Variants in ANKIB1 observed in about 807,000 individuals in gnomAD.
ANKIB1 encodes ankyrin repeat and IBR domain-containing protein 1.
Under a neutral mutation model 122.1 loss-of-function variants are expected in ANKIB1, and 43 were observed. The observed-to-expected ratio is 0.35, with a 90% CI of 0.28 to 0.45. ANKIB1 has a LOEUF of 0.45. Ranked by LOEUF, ANKIB1 falls within the 20% of genes least tolerant of loss-of-function variation. The pLI is 1.00. For synonymous variants in ANKIB1, 390 were observed against 442.0 expected (o/e 0.88, Z 1.48); for missense variants, 992 against 1,329.5 (o/e 0.75, Z 3.95).
Position 92,257,214 on chromosome 7 carries a change from A to G in ANKIB1, c.-91+10695A>G, listed in dbSNP as rs531598549. ...AAAGAAAAAAAAAAAGAGAGAAAAA[A>G]AGAAAAAAAAGAAAAGAAAAATTGT... On this transcript the variant is annotated intron_variant, in intron 1 of 19. Coordinates refer to ENST00000265742, the MANE Select transcript of ANKIB1 (RefSeq NM_019004.2). Among the ~76,000 whole-genome samples the G allele has an allele frequency of 3.3e-5, 5 of 152,098 alleles. No homozygotes were observed. In the South Asian group the frequency reaches 8.4e-4, roughly 26 times the overall value.
intron 1 of ANKIB1, among the ~76,000 whole-genome samples, chr7:92,283,719 A>G (rs1802056296): frequency 6.6e-6 from 1 of 152,150 alleles, no homozygotes; most frequent in Non-Finnish European, 1.5e-5. Context: ...CAGTTATTTT[A>G]TTTTTTAAAT....
At chr7:92,391,951 CATA>C (rs1304810286) in intron 16 of ANKIB1, among the ~76,000 whole-genome samples, 3 of 152,048 alleles carry the variant, frequency 2.0e-5, no homozygotes, top group Non-Finnish European at 4.4e-5. Context: ...CCTATTTTTA[CATA>C]ATATTTATGA....
At chr7:92,298,246 A>G (rs1416342364) in intron 2 of ANKIB1, among the ~76,000 whole-genome samples, 1 of 151,938 alleles carries the variant, frequency 6.6e-6, no homozygotes, top group Non-Finnish European at 1.5e-5. Context: ...TGTTTTGCTT[A>G]TTTAAGTTGA....
chr7:92,294,589 G>A (rs1208882707), intron 1 of ANKIB1: 1 of 270,958 alleles, frequency 3.7e-6, no homozygotes, highest in Admixed American at 5.3e-5. Flanking sequence ...CTCATTTTCT[G>A]CCATGTGAAG....
At chr7:92,368,699 C>T (rs1295445704) in intron 10 of ANKIB1, among the ~76,000 whole-genome samples, 1 of 149,800 alleles carries the variant, frequency 6.7e-6, no homozygotes. Context: ...CCAGCCTGGG[C>T]GACAGTGCGA....
rs757815332 is a variant in ANKIB1 at position 92,307,480 on chromosome 7, G to T, written c.310G>T (p.Ala104Ser). The T allele has an allele frequency of 1.1e-5, 18 of 1,613,662 alleles. No individual in the cohort carries two copies. The highest frequency in any genetic ancestry group is 5.0e-5 in the Admixed American group (3 of 59,972). Residue 104 changes from alanine to serine, a missense_variant, in exon 3 of 20, where the codon GCA becomes TCA. Physicochemically the swap from Ala to Ser is moderately conservative, Grantham distance 99. Coordinates refer to ENST00000265742, the MANE Select transcript of ANKIB1 (RefSeq NM_019004.2). ...ISEGALHPRL[A>S]RPTEDDFRRA... ...TGAAGGAGCCCTTCATCCTCGCTTG[G>T]CACGCCCCACAGAAGATGATTTCAG...
At position 92,330,067 on chromosome 7, in the gene ANKIB1, A is replaced by C. The variant is rs971968702; in HGVS notation, c.787+2167A>C. 3.3e-5 allele frequency among the ~76,000 whole-genome samples: 5 copies of C among 152,096 alleles called. No individual in the cohort carries two copies. The East Asian group carries it at 9.6e-4, about 29-fold the overall frequency. ...CTTTACCTAGACTGTCAGTCTTCCCATTTCTTTCCCTTTACCAATCCGAAT... is the reference window on the plus strand; with the variant it reads ...CTTTACCTAGACTGTCAGTCTTCCCCTTTCTTTCCCTTTACCAATCCGAAT... On this transcript the variant is annotated intron_variant, in intron 5 of 19. Transcript: ENST00000265742.
chr7:92,384,344 C>T (rs1804585581), intron 11 of ANKIB1, among the ~76,000 whole-genome samples: 1 of 152,202 alleles, frequency 6.6e-6, no homozygotes, highest in Non-Finnish European at 1.5e-5. Flanking sequence ...CCATCCCCAT[C>T]AAGCTACCAA....
In ANKIB1 at chr7:92,323,460, CAG is replaced by C. The variant is rs1802956768; in HGVS notation, c.669+3951_669+3952del. 6.6e-5 allele frequency among the ~76,000 whole-genome samples: 10 copies of C among 150,912 alleles called. No homozygotes were observed. The South Asian group carries it at 2.1e-3, about 32-fold the overall frequency. ...CTAAGTTTTTTACTTATATGGTATT[CAG>C]AGTTATAACTTTTTTTCCTTTTTGT... On this transcript the variant is annotated intron_variant, in intron 4 of 19. Coordinates refer to ENST00000265742, the MANE Select transcript of ANKIB1 (RefSeq NM_019004.2).
intron 12 of ANKIB1, among the ~76,000 whole-genome samples, chr7:92,387,526 C>T (rs1804683515): frequency 6.6e-6 from 1 of 151,996 alleles, no homozygotes; most frequent in Non-Finnish European, 1.5e-5. Context: ...ATCCCAGCTA[C>T]TCAGGAGGCT....
At chr7:92,362,117 C>A in intron 9 of ANKIB1, 68 bp from the exon 10 acceptor site, 2 of 1,455,614 alleles carry the variant, frequency 1.4e-6, no homozygotes, top group Non-Finnish European at 1.9e-6. Context: ...GGCCTCTACA[C>A]ACTTTTTTTA....
chr7:92,384,556 G>C (rs1445880968), intron 11 of ANKIB1, among the ~76,000 whole-genome samples: 3 of 152,130 alleles, frequency 2.0e-5, no homozygotes, highest in African/African-American at 7.2e-5. Context: ...CAATGGAACA[G>C]AACAGAGGCC....
intron 1 of ANKIB1, among the ~76,000 whole-genome samples, chr7:92,257,887 G>A (rs1008212417): frequency 2.0e-5 from 3 of 152,160 alleles, no homozygotes; most frequent in African/African-American, 7.2e-5. Flanking sequence ...CTCAGGCCTT[G>A]TAAAGATGGC....
chr7:92,309,779 G>T (rs1021138513), intron 3 of ANKIB1, among the ~76,000 whole-genome samples: 1 of 150,966 alleles, frequency 6.6e-6, no homozygotes, highest in Non-Finnish European at 1.5e-5. Context: ...ACAAAAATTA[G>T]CCAGGCGTGG....
intron 9 of ANKIB1, among the ~76,000 whole-genome samples, chr7:92,355,836 G>A (rs931762957): frequency 1.9e-4 from 28 of 146,934 alleles, no homozygotes; most frequent in Middle Eastern, 3.3e-3. Flanking sequence ...GCAACGGAGC[G>A]AGACTCCGTC....
intron 1 of ANKIB1, among the ~76,000 whole-genome samples, chr7:92,279,132 T>C (rs1200985189): frequency 6.6e-6 from 1 of 152,156 alleles, no homozygotes; most frequent in African/African-American, 2.4e-5. Context: ...GGGTTTGCAC[T>C]CCTATGAGAA....
intron 1 of ANKIB1, among the ~76,000 whole-genome samples, chr7:92,292,299 A>C (rs1285343758): frequency 6.6e-6 from 1 of 152,254 alleles, no homozygotes; most frequent in Non-Finnish European, 1.5e-5. Context: ...TGAAAGCCAC[A>C]AAATGACTTC....
At chr7:92,347,715 C>T (rs974627257) in intron 7 of ANKIB1, among the ~76,000 whole-genome samples, 4 of 152,170 alleles carry the variant, frequency 2.6e-5, no homozygotes, top group Admixed American at 1.3e-4. Flanking sequence ...GTTCTGGATA[C>T]AATAGGTCAC....
Position 92,307,221 on chromosome 7 carries a change from G to A in ANKIB1, c.189-138G>A, listed in dbSNP as rs1802578880. On this transcript the variant is annotated intron_variant, in intron 2 of 19. Coordinates refer to ENST00000265742, the MANE Select transcript of ANKIB1 (RefSeq NM_019004.2). ...CTAAGAATTAGTCATTCAAGCTGTT[G>A]TAAACCAGACCCTCAGTATAAATTG... 4 of 827,996 alleles carry A rather than the reference G, an allele frequency of 4.8e-6. No homozygotes were observed. In the South Asian group the frequency reaches 5.8e-5, roughly 12 times the overall value. 51.3% of individuals were successfully genotyped at this position (827,996 alleles called of 1,614,324 possible).
Sources: gnomAD v4.1 joint callset for allele counts (sites outside exome capture counted in the v4.1 genomes callset) on GRCh38, gnomAD v4.1.1 for gene constraint, MANE v1.5 for transcripts, NCBI Gene and HGNC (gene_info 2026-07-23, HGNC 2026-07-21) for gene names.